Variants in CHD1L observed in about 807,000 individuals in gnomAD.
The protein encoded by CHD1L is chromodomain helicase DNA binding protein 1 like, also known as ATP-dependent chromatin remodeler CHD1L.
Under a neutral mutation model 115.9 loss-of-function variants are expected in CHD1L, and 118 were observed. The observed-to-expected ratio is 1.02, with a 90% CI of 0.88 to 1.19. The LOEUF is 1.19. CHD1L is among the 50% of genes most tolerant of loss of function. CHD1L has a pLI of 0.00. For synonymous variants in CHD1L, 411 were observed against 387.1 expected (o/e 1.06, Z -0.72); for missense variants, 1,179 against 1,065.3 (o/e 1.11, Z -1.49).
At chr1:147,282,871 G>T (rs1681462613) in intron 15 of CHD1L, among the ~76,000 whole-genome samples, 1 of 152,276 alleles carries the variant, frequency 6.6e-6, no homozygotes, top group East Asian at 1.9e-4. Flanking sequence ...ATCCCCAGTT[G>T]TATTACACTT....
At chr1:147,242,619 G>C (rs1433075876), upstream of CHD1L, 9 of 1,211,576 alleles carry the variant, frequency 7.4e-6, no homozygotes, top group Non-Finnish European at 8.3e-6. Flanking sequence ...GTGGGCCCCA[G>C]CGCGCAGTCG....
intron 20 of CHD1L, among the ~76,000 whole-genome samples, chr1:147,292,939 C>T (rs915740926): frequency 1.3e-5 from 2 of 152,176 alleles, no homozygotes; most frequent in Admixed American, 1.3e-4. Flanking sequence ...CAGTGACTAA[C>T]AGCAAAGTGG....
chr1:147,193,665 C>T, the CHD1L span, among the ~76,000 whole-genome samples: 1 of 152,160 alleles, frequency 6.6e-6, no homozygotes, highest in African/African-American at 2.4e-5. Flanking sequence ...TTTCCCTCTA[C>T]ACACTGCTTT....
chr1:147,272,061 C>T, intron 11 of CHD1L, 110 bp from the exon 12 acceptor site: 4 of 730,238 alleles, frequency 5.5e-6, no homozygotes, highest in Non-Finnish European at 9.1e-6. Flanking sequence ...AGGGCTGTGC[C>T]TGTATATGGA....
intron 15 of CHD1L, among the ~76,000 whole-genome samples, chr1:147,281,796 AATAT>A (rs1341704741): frequency 2.6e-5 from 4 of 151,610 alleles, no homozygotes; most frequent in Non-Finnish European, 4.4e-5. Flanking sequence ...TCTTTAAAAA[AATAT>A]ATATATATTT....
chr1:147,273,963 T>G (rs1446370737), intron 12 of CHD1L, among the ~76,000 whole-genome samples: 2 of 152,234 alleles, frequency 1.3e-5, no homozygotes, highest in Admixed American at 6.5e-5. Flanking sequence ...GTGTGGCTTA[T>G]TTATAAAAAT....
At chr1:147,218,845 G>T in the CHD1L span, among the ~76,000 whole-genome samples, 1 of 152,116 alleles carries the variant, frequency 6.6e-6, no homozygotes, top group African/African-American at 2.4e-5. Flanking sequence ...TCCTTCAAGA[G>T]TTACATCAAA....
chr1:147,231,738 G>A, the CHD1L span, among the ~76,000 whole-genome samples: 2 of 152,044 alleles, frequency 1.3e-5, no homozygotes, highest in Non-Finnish European at 2.9e-5. Flanking sequence ...GCCAGGCATG[G>A]GATATAATCT....
chr1:147,188,824 T>G, the CHD1L span, among the ~76,000 whole-genome samples: 1 of 149,918 alleles, frequency 6.7e-6, no homozygotes, highest in East Asian at 1.9e-4. Context: ...CAGGAGGTGG[T>G]TAGACAAAAA....
intron 14 of CHD1L, 63 bp downstream of exon 14, chr1:147,276,320 T>A: frequency 6.5e-7 from 1 of 1,539,882 alleles, no homozygotes; most frequent in Non-Finnish European, 8.8e-7. Context: ...GAGGAGAATG[T>A]AAATGAAAAG....
At chr1:147,272,940 C>G (rs976878180) in intron 12 of CHD1L, among the ~76,000 whole-genome samples, 3 of 149,448 alleles carry the variant, frequency 2.0e-5, no homozygotes, top group Non-Finnish European at 3.0e-5. Flanking sequence ...TGGCCCATGC[C>G]TGTAATCCCA....
chr1:147,216,638 TA>T, the CHD1L span, among the ~76,000 whole-genome samples: 1 of 152,164 alleles, frequency 6.6e-6, no homozygotes. Context: ...GCATTATTCA[TA>T]ATACAAAAAT....
rs587644171 is a variant in CHD1L at position 147,270,907 on chromosome 1, T to C, written c.1086-25T>C. The C allele has an allele frequency of 1.9e-6, 3 of 1,606,424 alleles. No homozygotes were observed. The African/African-American group carries it at 4.0e-5, about 21-fold the overall frequency. On this transcript the variant is annotated intron_variant, in intron 10 of 22. Transcript: ENST00000369258. ...CCTTAAATACCACTAGACTTGGCAGTGTTTCCTTTTCTTTTTCTTGCCAGG... is the reference window on the plus strand; with the variant it reads ...CCTTAAATACCACTAGACTTGGCAGCGTTTCCTTTTCTTTTTCTTGCCAGG...
At chr1:147,203,600 A>G in the CHD1L span, 1 of 1,138,582 alleles carries the variant, frequency 8.8e-7, no homozygotes, top group East Asian at 2.3e-5. Context: ...AATAGCTTCA[A>G]ACGCCTCAGC....
chr1:147,196,136 C>A, the CHD1L span, among the ~76,000 whole-genome samples: 1 of 152,120 alleles, frequency 6.6e-6, no homozygotes, highest in Non-Finnish European at 1.5e-5. Context: ...TTTTCACATT[C>A]TCTGCCATCT....
At chr1:147,203,928 A>T in the CHD1L span, 1 of 1,463,530 alleles carries the variant, frequency 6.8e-7, no homozygotes, top group South Asian at 1.1e-5. Flanking sequence ...GGAGGTGTCA[A>T]TCTAGGAAGA....
chr1:147,176,059 C>A, the CHD1L span: 1 of 151,548 alleles, frequency 6.6e-6, no homozygotes, highest in Non-Finnish European at 1.5e-5. Context: ...TGATACTTAC[C>A]AAACTGTACA....
chr1:147,268,745 A>AG, intron 9 of CHD1L, 37 bp from the exon 10 acceptor site: 1 of 1,560,058 alleles, frequency 6.4e-7, no homozygotes, highest in Non-Finnish European at 8.8e-7. Context: ...GCCCTTACTG[A>AG]GGGCACATTA....
chr1:147,251,100 C>A lies in CHD1L; in HGVS notation c.128-1523C>A, dbSNP rs1485717259. The stretch of plus-strand genomic sequence containing the variant: ...ATGTGGAATTGTGAGTCAATTAAAC[C>A]TCTTTCCTTTATAAATTACCCAATC... On this transcript the variant is annotated intron_variant, in intron 1 of 22. Transcript: ENST00000369258. Among the ~76,000 whole-genome samples, 3 of 152,294 alleles carry A rather than the reference C, an allele frequency of 2.0e-5. No homozygotes were observed. In the East Asian group the frequency reaches 5.8e-4, roughly 29 times the overall value.
Sources: allele counts gnomAD v4.1 joint callset (sites outside exome capture counted in the v4.1 genomes callset), GRCh38; gene constraint gnomAD v4.1.1; transcripts MANE v1.5; gene names NCBI Gene and HGNC (gene_info 2026-07-23, HGNC 2026-07-21).